The following GAS2 variants were observed in gnomAD, a reference collection of about 807,000 sequenced individuals.
GAS2 encodes growth arrest specific 2, also known as growth arrest-specific protein 2.
In GAS2, 20 loss-of-function variants were observed where a neutral mutation model predicts 37.5. The ratio of observed to expected loss-of-function variants is 0.53; its 90% CI spans 0.37 to 0.77. The LOEUF (loss-of-function observed/expected upper bound fraction) is 0.77, where lower values mean the gene tolerates loss of function less well. Among genes scored for constraint, GAS2 ranks in the 30% least tolerant of loss-of-function variants. The probability of loss-of-function intolerance (pLI) is 0.00; values close to 1 mark genes in which losing one functional copy is unlikely to be tolerated. For synonymous variants in GAS2, 144 were observed against 132.2 expected, an observed-to-expected ratio of 1.09 and a Z score of -0.61; for missense variants, 336 against 373.4, an observed-to-expected ratio of 0.90 and a Z score of 0.82.
At chr11:22,699,791 A>G (rs1353417367) in intron 3 of GAS2, among the ~76,000 whole-genome samples, 1 of 152,172 alleles carries the variant, frequency 6.6e-6, no homozygotes, top group Non-Finnish European at 1.5e-5. Flanking sequence ...CCTAGTACAT[A>G]TGGGTGCTCA....
intron 3 of GAS2, among the ~76,000 whole-genome samples, chr11:22,707,473 T>A (rs1457310510): frequency 1.3e-5 from 2 of 152,194 alleles, no homozygotes; most frequent in African/African-American, 4.8e-5. Flanking sequence ...CACAAATGTT[T>A]ATAGACTTGA....
At chr11:22,626,618 A>G (rs912141962) in intron 1 of GAS2, 1 of 152,228 alleles carries the variant, frequency 6.6e-6, no homozygotes, top group Non-Finnish European at 1.5e-5. Context: ...CACTTAACAA[A>G]CATTTGTCAA....
At chr11:22,780,525 C>CTCT (rs1385696716) in intron 7 of GAS2, among the ~76,000 whole-genome samples, 1 of 134,948 alleles carries the variant, frequency 7.4e-6, no homozygotes, top group Non-Finnish European at 1.5e-5. Flanking sequence ...ACCACTGTCT[C>CTCT]TCTTTCTGGG....
chr11:22,766,024 C>T (rs930935171), intron 7 of GAS2, among the ~76,000 whole-genome samples: 5 of 152,132 alleles, frequency 3.3e-5, no homozygotes, highest in East Asian at 1.9e-4. Context: ...TCACTCAGTG[C>T]GAGAGCTCAC....
intron 7 of GAS2, among the ~76,000 whole-genome samples, chr11:22,789,422 T>TATATAAATATATATATATAAATA (rs1564889813): frequency 3.3e-4 from 14 of 42,848 alleles, no homozygotes; most frequent in African/African-American, 1.7e-3. Flanking sequence ...GTATCTCATA[T>TATATAAATATATATATATAAATA]GAGATATATA....
At chr11:22,761,342 G>A (rs1037352304) in intron 7 of GAS2, among the ~76,000 whole-genome samples, 1 of 152,128 alleles carries the variant, frequency 6.6e-6, no homozygotes, top group African/African-American at 2.4e-5. Context: ...CAGCCCCAGT[G>A]AATAGAACAT....
intron 2 of GAS2, among the ~76,000 whole-genome samples, chr11:22,676,375 A>C (rs970324871): frequency 2.6e-5 from 4 of 152,078 alleles, no homozygotes; most frequent in African/African-American, 7.2e-5. Flanking sequence ...TTAATTATTA[A>C]ATTTGAGCTA....
chr11:22,680,511 A>C (rs927942204), intron 2 of GAS2, among the ~76,000 whole-genome samples: 1 of 152,152 alleles, frequency 6.6e-6, no homozygotes, highest in Non-Finnish European at 1.5e-5. Flanking sequence ...ATATATTTGT[A>C]CTGAGAGGTA....
At chr11:22,670,035 A>G (rs1471536458) in intron 1 of GAS2, among the ~76,000 whole-genome samples, 2 of 152,158 alleles carry the variant, frequency 1.3e-5, no homozygotes, top group East Asian at 3.9e-4. Flanking sequence ...TGGGTGGTTT[A>G]TTCTTTGAGT....
chr11:22,718,477 C>CT (rs1851791723), intron 3 of GAS2, among the ~76,000 whole-genome samples: 1 of 137,756 alleles, frequency 7.3e-6, no homozygotes, highest in Non-Finnish European at 1.6e-5. Flanking sequence ...GATGAAAAGG[C>CT]ATAAGAATAA....
intron 1 of GAS2, among the ~76,000 whole-genome samples, chr11:22,648,604 C>G (rs1371443770): frequency 2.0e-5 from 3 of 152,126 alleles, no homozygotes; most frequent in Admixed American, 2.0e-4. Flanking sequence ...TTTCATTGAG[C>G]AGTGGTTTGT....
intron 1 of GAS2, among the ~76,000 whole-genome samples, chr11:22,652,353 A>G (rs1177413809): frequency 6.6e-6 from 1 of 152,228 alleles, no homozygotes; most frequent in Non-Finnish European, 1.5e-5. Context: ...TTAAGTCTGC[A>G]GAGATTACTG....
chr11:22,729,731 G>A (rs1253315757), intron 4 of GAS2, among the ~76,000 whole-genome samples: 1 of 93,856 alleles, frequency 1.1e-5, no homozygotes, highest in Non-Finnish European at 2.3e-5. Flanking sequence ...CTTATTACTA[G>A]ATGTGAATAA....
intron 3 of GAS2, among the ~76,000 whole-genome samples, chr11:22,698,138 G>A (rs1485831765): frequency 5.3e-5 from 8 of 151,058 alleles, no homozygotes; most frequent in African/African-American, 9.7e-5. Context: ...TAATAAAGAA[G>A]AAAAGAGAGA....
intron 3 of GAS2, among the ~76,000 whole-genome samples, chr11:22,693,239 A>C (rs773608445): frequency 2.4e-4 from 36 of 152,226 alleles, no homozygotes; most frequent in Admixed American, 7.9e-4. Flanking sequence ...AAACATATGC[A>C]AACTGATTCT....
At chr11:22,731,537 T>C (rs1172743800) in intron 4 of GAS2, 1 of 160,572 alleles carries the variant, frequency 6.2e-6, no homozygotes, top group Non-Finnish European at 1.4e-5. Flanking sequence ...ATTCTACAAA[T>C]TTTTTTTTGT....
chr11:22,791,668 T>C (rs1474783292), intron 7 of GAS2, among the ~76,000 whole-genome samples: 3 of 152,142 alleles, frequency 2.0e-5, no homozygotes, highest in African/African-American at 4.8e-5. Context: ...TAAAAGATAT[T>C]GGAACCAAGA....
Position 22,698,350 on chromosome 11 carries a change from C to G in GAS2, c.267+12561C>G, listed in dbSNP as rs144584864. On this transcript the variant is annotated intron_variant, in intron 3 of 7. Transcript: ENST00000454584. ...GTTGAATCTCTGAATAGACCAATAA[C>G]AGGCTCTGAAATTGTGGCAATAATC... Among the ~76,000 whole-genome samples the G allele has an allele frequency of 1.7e-3, 253 of 152,172 alleles. 6 individuals carry two copies. In the East Asian group the frequency reaches 0.045, roughly 27 times the overall value.
At chr11:22,747,722 T>TCC (rs1199907614) in intron 5 of GAS2, among the ~76,000 whole-genome samples, 1 of 151,904 alleles carries the variant, frequency 6.6e-6, no homozygotes, top group Non-Finnish European at 1.5e-5. Context: ...TGTGGAGGGC[T>TCC]CCCGGTGGAC....
Sources: allele counts gnomAD v4.1 joint callset (sites outside exome capture counted in the v4.1 genomes callset), GRCh38; gene constraint gnomAD v4.1.1; transcripts MANE v1.5; gene names NCBI Gene and HGNC (gene_info 2026-07-23, HGNC 2026-07-21).